The following ADGRL2 variants were observed in gnomAD, a reference collection of about 807,000 sequenced individuals.
ADGRL2 encodes the protein calcium-independent alpha-latrotoxin receptor 2.
In ADGRL2, 44 loss-of-function variants were observed where a neutral mutation model predicts 157.4. That is an observed-to-expected ratio of 0.28 (90% CI 0.22 to 0.36). The LOEUF is 0.36. Among genes scored for constraint, ADGRL2 ranks in the 10% least tolerant of loss-of-function variants. The probability of loss-of-function intolerance (pLI) is 1.00; values close to 1 mark genes in which losing one functional copy is unlikely to be tolerated. For missense variants in ADGRL2, 1,510 were observed against 1,768.9 expected, an observed-to-expected ratio of 0.85 and a Z score of 2.63; for synonymous variants, 585 against 624.7, an observed-to-expected ratio of 0.94 and a Z score of 0.95.
intron 3 of ADGRL2, among the ~76,000 whole-genome samples, chr1:81,611,227 A>G (rs887408973): frequency 6.6e-6 from 1 of 152,196 alleles, no homozygotes; most frequent in African/African-American, 2.4e-5. Context: ...CACAGGCCAC[A>G]TGACAATTAT....
rs1319788280 is a variant in ADGRL2 at position 81,650,337 on chromosome 1, C to T, written c.-143+69357C>T. On this transcript the variant is annotated intron_variant, in intron 3 of 24. Transcript: ENST00000370721. ...CTGTAATCCCAGCACTTTGGGAAGC[C>T]GAGGCAGGAGGATCACAAGGTCAAG... 4.0e-5 allele frequency among the ~76,000 whole-genome samples: 6 copies of T among 151,866 alleles called. No homozygotes were observed. In the East Asian group the frequency reaches 5.8e-4, roughly 15 times the overall value.
intron 3 of ADGRL2, among the ~76,000 whole-genome samples, chr1:81,669,109 G>A (rs1393294078): frequency 6.6e-6 from 1 of 151,714 alleles, no homozygotes; most frequent in African/African-American, 2.4e-5. Flanking sequence ...AGGTGGATTT[G>A]TTTATCTATT....
At chr1:81,987,398 T>G (rs1663485102) in intron 22 of ADGRL2, 1 of 1,138,810 alleles carries the variant, frequency 8.8e-7, no homozygotes, top group Non-Finnish European at 1.3e-6. Flanking sequence ...TGACAAAATT[T>G]GCTTCTGGAA....
At chr1:81,883,032 A>G (rs367881) in intron 2 of ADGRL2, among the ~76,000 whole-genome samples, 140,522 of 152,210 alleles carry the variant, frequency 0.92, 64,950 homozygotes, top group African/African-American at 0.97. Context: ...AGCTCAAACT[A>G]TCTCTGTTTA....
At chr1:81,831,235 G>C (rs935408161) in intron 1 of ADGRL2, among the ~76,000 whole-genome samples, 1 of 152,156 alleles carries the variant, frequency 6.6e-6, no homozygotes, top group African/African-American at 2.4e-5. Context: ...TTCTCTAGTA[G>C]TTTGGTTGAT....
At chr1:81,673,382 G>A (rs1258351356) in intron 3 of ADGRL2, among the ~76,000 whole-genome samples, 1 of 151,574 alleles carries the variant, frequency 6.6e-6, no homozygotes, top group Non-Finnish European at 1.5e-5. Context: ...CAGAATTATT[G>A]TCTCACTTTT....
chr1:81,919,715 A>G (rs180913551), intron 3 of ADGRL2, among the ~76,000 whole-genome samples: 2 of 152,298 alleles, frequency 1.3e-5, no homozygotes, highest in East Asian at 3.9e-4. Flanking sequence ...ATAGAATTCT[A>G]TGTAAACTTG....
intron 3 of ADGRL2, among the ~76,000 whole-genome samples, chr1:81,656,436 AT>A (rs2082534854): frequency 6.6e-6 from 1 of 152,118 alleles, no homozygotes; most frequent in Non-Finnish European, 1.5e-5. Context: ...CAAGATTCAC[AT>A]TTTTGCCCAC....
At chr1:81,989,823 C>T (rs1664213195) in intron 23 of ADGRL2, 1 of 1,425,344 alleles carries the variant, frequency 7.0e-7, no homozygotes, top group Non-Finnish European at 9.2e-7. Flanking sequence ...TGTATCTGTC[C>T]ATGTTTTCAT....
At chr1:81,597,966 G>T (rs2081267781) in intron 3 of ADGRL2, among the ~76,000 whole-genome samples, 1 of 152,172 alleles carries the variant, frequency 6.6e-6, no homozygotes, top group Non-Finnish European at 1.5e-5. Context: ...GCTGCCCAGT[G>T]TTAGCTCAAT....
At chr1:81,574,846 G>A (rs1426534060) in intron 2 of ADGRL2, among the ~76,000 whole-genome samples, 4 of 152,162 alleles carry the variant, frequency 2.6e-5, no homozygotes, top group Admixed American at 6.6e-5. Flanking sequence ...ATGCCATTTA[G>A]CGAAGAAAAC....
chr1:81,641,455 A>G (rs1300373954), intron 3 of ADGRL2, among the ~76,000 whole-genome samples: 2 of 152,240 alleles, frequency 1.3e-5, no homozygotes, highest in African/African-American at 4.8e-5. Flanking sequence ...TTATGAGAAT[A>G]AAGATCATAC....
At chr1:81,882,904 A>G (rs2094024977) in intron 2 of ADGRL2, among the ~76,000 whole-genome samples, 1 of 152,212 alleles carries the variant, frequency 6.6e-6, no homozygotes, top group Admixed American at 6.5e-5. Context: ...GTGGTTAAGA[A>G]TGTATTGCCT....
At chr1:81,517,984 T>C (rs1198511190) in intron 2 of ADGRL2, among the ~76,000 whole-genome samples, 2 of 152,264 alleles carry the variant, frequency 1.3e-5, no homozygotes, top group Non-Finnish European at 2.9e-5. Context: ...GGAGGAAAGT[T>C]AGCACCTTGC....
intron 2 of ADGRL2, among the ~76,000 whole-genome samples, chr1:81,538,939 C>T (rs958874188): frequency 1.2e-4 from 16 of 136,362 alleles, no homozygotes; most frequent in South Asian, 2.5e-4. Flanking sequence ...GCCTGGAAGG[C>T]GGAAGTTGTA....
intron 1 of ADGRL2, among the ~76,000 whole-genome samples, chr1:81,808,633 C>T (rs1405590276): frequency 1.3e-5 from 2 of 151,966 alleles, no homozygotes; most frequent in African/African-American, 4.8e-5. Context: ...CAGGTGTAAT[C>T]TTAAGAATCA....
chr1:81,379,646 C>A (rs2101039854), intron 1 of ADGRL2, among the ~76,000 whole-genome samples: 1 of 152,286 alleles, frequency 6.6e-6, no homozygotes, highest in East Asian at 1.9e-4. Flanking sequence ...TCCTCCCGGG[C>A]GATGGCCTGC....
intron 1 of ADGRL2, among the ~76,000 whole-genome samples, chr1:81,415,806 A>ACATG (rs558361491): frequency 6.2e-4 from 94 of 152,176 alleles, no homozygotes; most frequent in African/African-American, 2.2e-3. Flanking sequence ...ATGGATGAAT[A>ACATG]CATGAATAAA....
At chr1:81,825,156 G>C (rs1311196851) in intron 1 of ADGRL2, among the ~76,000 whole-genome samples, 1 of 151,996 alleles carries the variant, frequency 6.6e-6, no homozygotes, top group African/African-American at 2.4e-5. Flanking sequence ...GACAAGCCTG[G>C]ACAACTTAGA....
Sources: gnomAD v4.1 joint callset for allele counts (sites outside exome capture counted in the v4.1 genomes callset) on GRCh38, gnomAD v4.1.1 for gene constraint, MANE v1.5 for transcripts, NCBI Gene and HGNC (gene_info 2026-07-23, HGNC 2026-07-21) for gene names.